The following CD36 variants were observed in gnomAD, a reference collection of about 807,000 sequenced individuals.
CD36 encodes platelet glycoprotein 4.
Under a neutral mutation model 55.2 loss-of-function variants are expected in CD36, and 119 were observed. The observed-to-expected ratio is 2.15, with a 90% CI of 1.86 to 2.51. The LOEUF (loss-of-function observed/expected upper bound fraction) is 2.51, where lower values mean the gene tolerates loss of function less well. Among genes scored for constraint, CD36 ranks in the 30% most tolerant of loss-of-function variants. CD36 has a pLI of 0.00. For missense variants in CD36, 819 were observed against 555.5 expected (o/e 1.47, Z -4.77); for synonymous variants, 186 against 193.6 (o/e 0.96, Z 0.33).
chr7:80,603,700 C>G (rs998199712), intron 1 of CD36, among the ~76,000 whole-genome samples: 1 of 135,484 alleles, frequency 7.4e-6, no homozygotes, highest in Non-Finnish European at 1.6e-5. Flanking sequence ...AAAGCTAACA[C>G]CTGAGGATAA....
chr7:80,620,301 T>C (rs1285797888), intron 1 of CD36, among the ~76,000 whole-genome samples: 2 of 152,116 alleles, frequency 1.3e-5, no homozygotes, highest in African/African-American at 4.8e-5. Context: ...TGCCCCCTTC[T>C]TTCAACACTA....
intron 6 of CD36, 104 bp downstream of exon 6, chr7:80,663,273 T>A: frequency 1.0e-6 from 1 of 965,834 alleles, no homozygotes; most frequent in Non-Finnish European, 1.7e-6. Flanking sequence ...GTCTTATTGC[T>A]GATCTGGAGA....
Position 80,649,520 on chromosome 7 carries a change from T to C in CD36, c.120+2660T>C, listed in dbSNP as rs867600224. On this transcript the variant is annotated intron_variant, in intron 3 of 14. Coordinates refer to ENST00000447544, the MANE Select transcript of CD36 (RefSeq NM_001001548.3). The stretch of plus-strand genomic sequence containing the variant: ...AAAAAAAAACTGATAGATAATAGGA[T>C]GAAATGGAAGCTTGGAGAGACAGAT... 2.0e-5 allele frequency among the ~76,000 whole-genome samples: 3 copies of C among 151,636 alleles called. No homozygotes were observed. In the South Asian group the frequency reaches 6.2e-4, roughly 31 times the overall value.
rs1165767460 is a variant in CD36 at position 80,667,747 on chromosome 7, G to GTTTTTTTTTTTTTTTT, written c.748+1264_748+1279dup. 5.1e-4 allele frequency among the ~76,000 whole-genome samples: 42 copies of GTTTTTTTTTTTTTTTT among 82,638 alleles called. 1 individual carries two copies. The highest frequency in any genetic ancestry group is 1.4e-3 in the African/African-American group (33 of 24,114). The allele number at this position is 82,638 out of a possible 152,430, so 54.2% of individuals were successfully genotyped here. On this transcript the variant is annotated intron_variant, in intron 8 of 14. Coordinates refer to ENST00000447544, the MANE Select transcript of CD36 (RefSeq NM_001001548.3). ...GTTGGATTTGCAGGGGTTTTCTTTTGTTTTTTTTTTTTTTTTTTTTTGAGA... is the reference window on the plus strand; with the variant it reads ...GTTGGATTTGCAGGGGTTTTCTTTTGTTTTTTTTTTTTTTTTTTTTTTTTTTTTTTTTTTTTTGAGA...
chr7:80,649,179 G>C (rs1795409019), intron 3 of CD36, among the ~76,000 whole-genome samples: 1 of 152,050 alleles, frequency 6.6e-6, no homozygotes, highest in Non-Finnish European at 1.5e-5. Flanking sequence ...AGAAGTTGCT[G>C]TTATTTTACT....
chr7:80,643,700 A>C (rs1794962429), intron 1 of CD36, among the ~76,000 whole-genome samples: 1 of 152,190 alleles, frequency 6.6e-6, no homozygotes, highest in African/African-American at 2.4e-5. Flanking sequence ...TTGAAAAACC[A>C]GTTCAGCCGC....
At chr7:80,661,531 A>G (rs1796530279) in intron 5 of CD36, among the ~76,000 whole-genome samples, 2 of 152,222 alleles carry the variant, frequency 1.3e-5, no homozygotes, top group Non-Finnish European at 1.5e-5. Context: ...TAAATGAAAG[A>G]CTTTTAAGTA....
At chr7:80,657,895 TC>T (rs1346538964) in intron 4 of CD36, among the ~76,000 whole-genome samples, 1 of 152,228 alleles carries the variant, frequency 6.6e-6, no homozygotes, top group African/African-American at 2.4e-5. Context: ...AGTTTTAGCA[TC>T]TTATCTGTTT....
intron 1 of CD36, among the ~76,000 whole-genome samples, chr7:80,603,493 C>G (rs1187697460): frequency 6.6e-6 from 1 of 152,024 alleles, no homozygotes; most frequent in Non-Finnish European, 1.5e-5. Context: ...AATAGGCAAC[C>G]TATCTTGTTT....
intron 14 of CD36, chr7:80,676,052 G>C (rs1054103038): frequency 6.6e-6 from 1 of 152,080 alleles, no homozygotes; most frequent in African/African-American, 2.4e-5. Flanking sequence ...TGCAGCTAGA[G>C]AAACTGAACT....
chr7:80,674,441 T>TTATATAGCTAGTTATATATTATCTGA, intron 14 of CD36: 1 of 350,230 alleles, frequency 2.9e-6, no homozygotes, highest in South Asian at 2.9e-5. Context: ...CATTTCTCAA[T>TTATATAGCTAGTTATATATTATCTGA]TATATAGCTA....
At position 80,678,876 on chromosome 7, in the gene CD36, T is replaced by C. The variant is rs1040811469; in HGVS notation, c.*2493T>C. The C allele has an allele frequency of 1.3e-5, 2 of 152,084 alleles. No homozygotes were observed. The highest frequency in any genetic ancestry group is 2.9e-5 in the Non-Finnish European group (2 of 68,002). The allele number at this position is 152,084 out of a possible 1,614,324, so 9.4% of individuals were successfully genotyped here. A position where few individuals can be genotyped will look rare whatever the true frequency, so the allele number is the denominator to read the frequency against. On this transcript the variant is annotated 3_prime_UTR_variant, in exon 15 of 15. Coordinates refer to ENST00000447544, the MANE Select transcript of CD36 (RefSeq NM_001001548.3). ...AAAACAGTATGCACGTACAAATTTC[T>C]TAACCTGTTATCAATGTCTGAGCTA...
At chr7:80,626,398 T>C (rs1488035472) in intron 1 of CD36, among the ~76,000 whole-genome samples, 1 of 152,118 alleles carries the variant, frequency 6.6e-6, no homozygotes, top group African/African-American at 2.4e-5. Flanking sequence ...GATTTCCAAT[T>C]TACACTGTCT....
At position 80,604,927 on chromosome 7, in the gene CD36, G is replaced by A. The variant is rs17154155; in HGVS notation, c.-184+2548G>A. Among the ~76,000 whole-genome samples the A allele has an allele frequency of 3.9e-4, 59 of 151,818 alleles. 1 individual carries two copies. The highest frequency in any genetic ancestry group is 1.2e-3 in the South Asian group (6 of 4,808). On this transcript the variant is annotated intron_variant, in intron 1 of 13. Coordinates refer to the CD36 transcript ENST00000309881. The stretch of plus-strand genomic sequence containing the variant: ...CAGTCTAATTGAAATTCATTTGGAG[G>A]TTCCTTTGGTCCCATGTTGGAACTT...
intron 3 of CD36, among the ~76,000 whole-genome samples, chr7:80,654,838 A>G (rs1447973684): frequency 6.6e-6 from 1 of 151,592 alleles, no homozygotes; most frequent in Non-Finnish European, 1.5e-5. Context: ...TGAAGATATG[A>G]AACTTAATTT....
intron 8 of CD36, among the ~76,000 whole-genome samples, chr7:80,668,277 A>G (rs1429413862): frequency 7.9e-5 from 12 of 152,192 alleles, no homozygotes; most frequent in Non-Finnish European, 1.8e-4. Flanking sequence ...ATAGAAATGC[A>G]TGAGCATCAG....
chr7:80,667,884 G>A (rs1367908022), intron 8 of CD36, among the ~76,000 whole-genome samples: 1 of 150,586 alleles, frequency 6.6e-6, no homozygotes, highest in African/African-American at 2.4e-5. Context: ...ATGAGTAGTT[G>A]GGACTACAGG....
At chr7:80,646,284 G>A in intron 2 of CD36, 103 bp downstream of exon 2, 2 of 206,730 alleles carry the variant, frequency 9.7e-6, no homozygotes, top group South Asian at 8.2e-5. Context: ...GAAGGGGTGT[G>A]GAAGGTTGTG....
intron 3 of CD36, 69 bp from the exon 4 acceptor site, chr7:80,656,471 C>A (rs1013641617): frequency 5.1e-5 from 74 of 1,458,626 alleles, no homozygotes; most frequent in Non-Finnish European, 6.3e-5. Context: ...CTCAAGGCTG[C>A]AAACAATCTT....
Sources: gnomAD v4.1 joint callset for allele counts (sites outside exome capture counted in the v4.1 genomes callset) on GRCh38, gnomAD v4.1.1 for gene constraint, MANE v1.5 for transcripts, NCBI Gene and HGNC (gene_info 2026-07-23, HGNC 2026-07-21) for gene names.